Variants in NPEPPS observed in about 807,000 individuals in gnomAD.
The protein encoded by NPEPPS is aminopeptidase puromycin sensitive.
NPEPPS carries 14 observed loss-of-function variants against 115.5 expected under a neutral mutation model. The ratio of observed to expected loss-of-function variants is 0.12; its 90% CI spans 0.08 to 0.19. The LOEUF is 0.19. NPEPPS is among the 10% of genes least tolerant of loss of function. The pLI, the probability that NPEPPS is intolerant of heterozygous loss-of-function variation, is 1.00. For synonymous variants in NPEPPS, 285 were observed against 390.6 expected (o/e 0.73, Z 3.19); for missense variants, 523 against 1,110.8 (o/e 0.47, Z 7.52).
chr17:47,583,623 G>T (rs1003220754), intron 5 of NPEPPS, among the ~76,000 whole-genome samples: 12 of 151,672 alleles, frequency 7.9e-5, no homozygotes, highest in African/African-American at 2.9e-4. Context: ...CTTATTAAAT[G>T]TCATAAGAAA....
intron 2 of NPEPPS, among the ~76,000 whole-genome samples, chr17:47,554,044 CTTT>C (rs113155660): frequency 1.4e-5 from 2 of 144,706 alleles, no homozygotes. Flanking sequence ...GCCACAGTAT[CTTT>C]TTTTTTTTTT....
intron 5 of NPEPPS, among the ~76,000 whole-genome samples, chr17:47,585,225 T>C (rs536510157): frequency 1.7e-4 from 26 of 152,360 alleles, no homozygotes; most frequent in Non-Finnish European, 3.2e-4. Context: ...TGGCTTATAA[T>C]AAGTATTTGA....
At chr17:47,529,939 TTTA>T (rs1342658017), upstream of NPEPPS, among the ~76,000 whole-genome samples, 1 of 130,968 alleles carries the variant, frequency 7.6e-6, no homozygotes, top group East Asian at 2.2e-4. Context: ...TATTTATTTA[TTTA>T]TTTATTTATT....
intron 5 of NPEPPS, among the ~76,000 whole-genome samples, chr17:47,583,969 C>G (rs191882248): frequency 1.3e-5 from 2 of 149,686 alleles, no homozygotes; most frequent in East Asian, 4.0e-4. Flanking sequence ...GCCTGTAATC[C>G]CAGCACTTCA....
At chr17:47,545,272 C>T (rs1443628582) in intron 1 of NPEPPS, among the ~76,000 whole-genome samples, 1 of 152,172 alleles carries the variant, frequency 6.6e-6, no homozygotes, top group Non-Finnish European at 1.5e-5. Flanking sequence ...GTTGGGATTA[C>T]AGGCATGAGC....
intron 3 of NPEPPS, among the ~76,000 whole-genome samples, chr17:47,576,809 G>A (rs1911549313): frequency 2.6e-5 from 4 of 152,262 alleles, no homozygotes; most frequent in Non-Finnish European, 5.9e-5. Context: ...AGGAAGTGGT[G>A]TAAATTATGT....
chr17:47,605,486 G>C lies in NPEPPS; in HGVS notation c.2029G>C (p.Glu677Gln), dbSNP rs1277474931. The C allele has an allele frequency of 6.2e-7, 1 of 1,605,594 alleles. No individual in the cohort carries two copies. Among genetic ancestry groups the C allele is most frequent in the Non-Finnish European group, 8.5e-7 (1 of 1,175,704 alleles). ...CACAGACTTCTATGAGGAAATCCAG[G>C]AGTTTGTGAAAGATGTCTTTTCACC... is the stretch of plus-strand genomic sequence containing the variant. ...SHTDFYEEIQ[E>Q]FVKDVFSPIG... Residue 677 changes from glutamate to glutamine, a missense_variant, in exon 17 of 23, where the codon GAG becomes CAG. Physicochemically the swap from Glu to Gln is conservative, Grantham distance 29. Coordinates refer to ENST00000322157, the MANE Select transcript of NPEPPS (RefSeq NM_006310.4).
chr17:47,597,411 C>G (rs915389191), intron 13 of NPEPPS, among the ~76,000 whole-genome samples: 1 of 152,178 alleles, frequency 6.6e-6, no homozygotes, highest in Non-Finnish European at 1.5e-5. Context: ...GTTTTGTGAG[C>G]TGCATGGGGA....
chr17:47,565,873 A>G (rs894820188), intron 2 of NPEPPS, among the ~76,000 whole-genome samples: 1 of 152,208 alleles, frequency 6.6e-6, no homozygotes, highest in Non-Finnish European at 1.5e-5. Context: ...AAGTGTTTAG[A>G]TATCTGGAGA....
chr17:47,612,007 T>C (rs1913902263), intron 17 of NPEPPS, among the ~76,000 whole-genome samples: 2 of 152,238 alleles, frequency 1.3e-5, no homozygotes, highest in South Asian at 2.1e-4. Context: ...TATGTGCTTA[T>C]TGGCTATTTG....
rs956224001 is a variant in NPEPPS at position 47,622,771 on chromosome 17, A to G, written c.*851A>G. The G allele has an allele frequency of 2.4e-6, 1 of 424,508 alleles. No homozygotes were observed. Among genetic ancestry groups the G allele is most frequent in the East Asian group, 7.2e-5 (1 of 13,910 alleles). 26.3% of individuals were successfully genotyped at this position (424,508 alleles called of 1,614,324 possible). A position where few individuals can be genotyped will look rare whatever the true frequency, so the allele number is the denominator to read the frequency against. ...CCCTGAAATTTATATAGGTGAGACA[A>G]TAGAAATAAAAAGATCTTCAGCCAG... On this transcript the variant is annotated 3_prime_UTR_variant, in exon 23 of 23. Coordinates refer to ENST00000322157, the MANE Select transcript of NPEPPS (RefSeq NM_006310.4).
intron 2 of NPEPPS, among the ~76,000 whole-genome samples, chr17:47,552,361 A>G (rs1909714204): frequency 6.6e-6 from 1 of 152,194 alleles, no homozygotes; most frequent in Non-Finnish European, 1.5e-5. Flanking sequence ...CATTAGTTCA[A>G]ACTGGAGCCA....
intron 2 of NPEPPS, among the ~76,000 whole-genome samples, chr17:47,567,233 TGAG>T (rs765031084): frequency 3.9e-5 from 6 of 152,214 alleles, no homozygotes; most frequent in Non-Finnish European, 7.3e-5. Flanking sequence ...ATCTGTAAAA[TGAG>T]GAAGATTTGA....
At chr17:47,599,456 A>T (rs1214829148) in intron 13 of NPEPPS, among the ~76,000 whole-genome samples, 1 of 152,248 alleles carries the variant, frequency 6.6e-6, no homozygotes, top group Non-Finnish European at 1.5e-5. Flanking sequence ...TTTTGTAAAC[A>T]CATGTACTTA....
chr17:47,602,400 C>T (rs1005271045), intron 15 of NPEPPS, among the ~76,000 whole-genome samples: 3 of 151,496 alleles, frequency 2.0e-5, no homozygotes, highest in African/African-American at 7.3e-5. Flanking sequence ...TTTCGGAGGC[C>T]GAGGCAGGCA....
intron 1 of NPEPPS, among the ~76,000 whole-genome samples, chr17:47,539,700 A>G (rs1248398959): frequency 6.8e-4 from 103 of 152,182 alleles, no homozygotes; most frequent in Non-Finnish European, 8.8e-5. Context: ...ACATACCAAT[A>G]TTCTGTGCCT....
intron 2 of NPEPPS, among the ~76,000 whole-genome samples, chr17:47,562,680 TAAGG>T (rs774388280): frequency 1.0e-4 from 15 of 150,716 alleles, no homozygotes; most frequent in South Asian, 2.1e-4. Flanking sequence ...GGAAATGTAA[TAAGG>T]AAGAAGAAAT....
At chr17:47,620,824 C>G (rs957041720) in intron 22 of NPEPPS, among the ~76,000 whole-genome samples, 1 of 152,152 alleles carries the variant, frequency 6.6e-6, no homozygotes, top group Admixed American at 6.5e-5. Context: ...ACCAGGTGTA[C>G]TGCATTAGAA....
At chr17:47,580,150 G>A (rs934603208) in intron 4 of NPEPPS, 1 of 151,896 alleles carries the variant, frequency 6.6e-6, no homozygotes, top group Non-Finnish European at 1.5e-5. Context: ...CATGATATCC[G>A]TTCTTATGTT....
Sources: allele counts gnomAD v4.1 joint callset (sites outside exome capture counted in the v4.1 genomes callset), GRCh38; gene constraint gnomAD v4.1.1; transcripts MANE v1.5; gene names NCBI Gene and HGNC (gene_info 2026-07-23, HGNC 2026-07-21).